The following TRPS1 variants were observed in gnomAD, a reference collection of about 807,000 sequenced individuals.
TRPS1 encodes zinc finger transcription factor Trps1.
Under a neutral mutation model 101.2 loss-of-function variants are expected in TRPS1, and 6 were observed. That is an observed-to-expected ratio of 0.06 (90% confidence interval 0.03 to 0.12). The LOEUF is 0.12. Ranked by LOEUF, TRPS1 falls within the 10% of genes least tolerant of loss-of-function variation. TRPS1 has a pLI of 1.00. For synonymous variants in TRPS1, 578 were observed against 589.8 expected, an observed-to-expected ratio of 0.98 and a Z score of 0.29; for missense variants, 1,363 against 1,567.0, an observed-to-expected ratio of 0.87 and a Z score of 2.20.
chr8:115,548,105 A>C (rs1450067599), intron 5 of TRPS1, among the ~76,000 whole-genome samples: 1 of 151,644 alleles, frequency 6.6e-6, no homozygotes, highest in Non-Finnish European at 1.5e-5. Context: ...TGGTTGGCGC[A>C]TGCCTCTAAG....
intron 5 of TRPS1, among the ~76,000 whole-genome samples, chr8:115,452,202 G>A (rs576947459): frequency 2.2e-4 from 33 of 152,106 alleles, no homozygotes; most frequent in African/African-American, 6.7e-4. Flanking sequence ...TTCACTTGGC[G>A]GCTGGCCAGA....
At chr8:115,647,005 TTTTG>T (rs76613259) in intron 1 of TRPS1, among the ~76,000 whole-genome samples, 32,171 of 151,934 alleles carry the variant, frequency 0.21, 4,298 homozygotes, top group East Asian at 0.29. Context: ...TTATGTTGTT[TTTTG>T]TTTATTTATT....
intron 3 of TRPS1, among the ~76,000 whole-genome samples, chr8:115,613,001 GA>G (rs879415277): frequency 1.7e-4 from 25 of 151,468 alleles, no homozygotes; most frequent in Non-Finnish European, 3.4e-4. Context: ...AATCTGCATG[GA>G]AAAAAAACAA....
intron 5 of TRPS1, among the ~76,000 whole-genome samples, chr8:115,481,894 T>C (rs1056060703): frequency 6.6e-6 from 1 of 152,146 alleles, no homozygotes; most frequent in Non-Finnish European, 1.5e-5. Context: ...GTGAAGAATG[T>C]AGTGAAGGAA....
chr8:115,621,189 C>T (rs918287330), intron 2 of TRPS1, among the ~76,000 whole-genome samples: 1 of 152,132 alleles, frequency 6.6e-6, no homozygotes, highest in African/African-American at 2.4e-5. Context: ...AAAGGCTGGT[C>T]GAGGACTGGG....
chr8:115,515,717 C>T (rs764677274), intron 5 of TRPS1, among the ~76,000 whole-genome samples: 11 of 150,978 alleles, frequency 7.3e-5, no homozygotes, highest in Non-Finnish European at 1.5e-4. Context: ...AACTTAAGAC[C>T]CACAGAATCT....
intron 5 of TRPS1, among the ~76,000 whole-genome samples, chr8:115,434,950 T>G (rs1467053067): frequency 6.6e-6 from 1 of 152,230 alleles, no homozygotes; most frequent in Non-Finnish European, 1.5e-5. Context: ...AAGAGTCTGC[T>G]TCCCACAAAA....
intron 5 of TRPS1, among the ~76,000 whole-genome samples, chr8:115,570,084 A>G (rs2130392521): frequency 6.6e-6 from 1 of 152,126 alleles, no homozygotes. Flanking sequence ...ATAACTCAGA[A>G]AAAAGGGATA....
At chr8:115,600,781 T>C (rs113916554) in intron 4 of TRPS1, among the ~76,000 whole-genome samples, 1 of 152,006 alleles carries the variant, frequency 6.6e-6, no homozygotes, top group Non-Finnish European at 1.5e-5. Context: ...AAAACCTAAG[T>C]TATAACACTG....
At chr8:115,653,908 G>A (rs1335531407) in intron 1 of TRPS1, among the ~76,000 whole-genome samples, 2 of 152,226 alleles carry the variant, frequency 1.3e-5, no homozygotes, top group East Asian at 3.8e-4. Flanking sequence ...AAGAGCTTGG[G>A]GGCTGTCTTA....
At chr8:115,490,951 C>T (rs890326777) in intron 5 of TRPS1, among the ~76,000 whole-genome samples, 1 of 152,092 alleles carries the variant, frequency 6.6e-6, no homozygotes, top group Non-Finnish European at 1.5e-5. Flanking sequence ...TCGAAACACA[C>T]GGGATGAAGG....
intron 5 of TRPS1, among the ~76,000 whole-genome samples, chr8:115,535,293 T>TATATATAGCATATATATAGCATATATAG (rs1554583831): frequency 1.9e-5 from 2 of 106,488 alleles, no homozygotes; most frequent in Non-Finnish European, 3.9e-5. Flanking sequence ...AGCATATATA[T>TATATATAGCATATATATAGCATATATAG]AGCATATATA....
At chr8:115,648,741 T>C (rs1353622702) in intron 1 of TRPS1, among the ~76,000 whole-genome samples, 1 of 152,220 alleles carries the variant, frequency 6.6e-6, no homozygotes, top group Non-Finnish European at 1.5e-5. Context: ...ACTGCGTCTT[T>C]AAAGCTCTTT....
intron 5 of TRPS1, among the ~76,000 whole-genome samples, chr8:115,508,038 T>TA (rs1189371230): frequency 6.6e-6 from 1 of 152,030 alleles, no homozygotes; most frequent in Non-Finnish European, 1.5e-5. Context: ...GAACATAAAA[T>TA]AAAAAATCAG....
chr8:115,421,422 T>C (rs1321026390), intron 5 of TRPS1, among the ~76,000 whole-genome samples: 1 of 152,224 alleles, frequency 6.6e-6, no homozygotes, highest in African/African-American at 2.4e-5. Context: ...TTTTCAGCCC[T>C]TGAATCTTGT....
chr8:115,457,890 TGA>T (rs2129956793), intron 5 of TRPS1, among the ~76,000 whole-genome samples: 1 of 152,266 alleles, frequency 6.6e-6, no homozygotes, highest in South Asian at 2.1e-4. Context: ...GAGAAATTAA[TGA>T]GTTTTGAGTT....
At chr8:115,415,114 G>A in intron 6 of TRPS1, 30 bp from the exon 7 acceptor site, 6 of 1,572,992 alleles carry the variant, frequency 3.8e-6, no homozygotes, top group Non-Finnish European at 5.2e-6. Context: ...TACATAAAAG[G>A]AAAACATTAA....
At chr8:115,506,539 AAG>A (rs1353721156) in intron 5 of TRPS1, among the ~76,000 whole-genome samples, 1 of 152,066 alleles carries the variant, frequency 6.6e-6, no homozygotes, top group African/African-American at 2.4e-5. Context: ...CATATATATA[AAG>A]CATTTAGAGA....
chr8:115,483,739 G>A (rs754494651), intron 5 of TRPS1, among the ~76,000 whole-genome samples: 2 of 152,048 alleles, frequency 1.3e-5, no homozygotes, highest in African/African-American at 2.4e-5. Flanking sequence ...ATGAAAAGGT[G>A]CTATCTCCAT....
Sources: allele counts gnomAD v4.1 joint callset (sites outside exome capture counted in the v4.1 genomes callset), GRCh38; gene constraint gnomAD v4.1.1; transcripts MANE v1.5; gene names NCBI Gene and HGNC (gene_info 2026-07-23, HGNC 2026-07-21).